The following CTPS2 variants were observed in gnomAD, a reference collection of about 807,000 sequenced individuals.
The protein encoded by CTPS2 is CTP synthase 2, also known as CTP synthase II.
In CTPS2, 19 loss-of-function variants were observed where a neutral mutation model predicts 46.8. The observed-to-expected ratio is 0.41, with a 90% CI of 0.28 to 0.60. CTPS2 has a LOEUF of 0.60. Ranked by LOEUF, CTPS2 falls within the 20% of genes least tolerant of loss-of-function variation. CTPS2 has a pLI of 0.35. For missense variants in CTPS2, 286 were observed against 447.6 expected (o/e 0.64, Z 3.26); for synonymous variants, 151 against 165.2 (o/e 0.91, Z 0.66).
At chrX:16,647,419 C>A (rs1365998703) in intron 13 of CTPS2, among the ~76,000 whole-genome samples, 1 of 108,294 alleles carries the variant, frequency 9.2e-6, no homozygotes, top group Non-Finnish European at 1.9e-5. Flanking sequence ...AAACATGCAC[C>A]ACCACGCCTG....
chrX:16,673,182 G>A (rs1050524270), intron 10 of CTPS2, among the ~76,000 whole-genome samples: 6 of 111,048 alleles, frequency 5.4e-5, no homozygotes, highest in African/African-American at 1.6e-4. Flanking sequence ...CACCGCGCCC[G>A]GCCGAGGCTA....
intron 17 of CTPS2, among the ~76,000 whole-genome samples, chrX:16,598,477 C>T (rs1165322206): frequency 2.7e-5 from 3 of 111,615 alleles, no homozygotes; most frequent in Non-Finnish European, 3.8e-5. Context: ...ATAAATTCCT[C>T]GACACATACA....
At chrX:16,590,905 A>C in intron 17 of CTPS2, 43 bp from the exon 18 acceptor site, 1 of 976,456 alleles carries the variant, frequency 1.0e-6, no homozygotes. Flanking sequence ...ATAAAAAAAA[A>C]ACCTGGACAA....
rs1031680926 is a variant in CTPS2 at position 16,674,443 on chromosome X, G to A, written c.1095-3769C>T. On this transcript the variant is annotated intron_variant, in intron 10 of 18. Coordinates refer to ENST00000359276, the MANE Select transcript of CTPS2 (RefSeq NM_175859.3). ...CTCCCAAAGTGCTGGGATTACAGGCGTAAGCCACCGCATCCAGCTAACGGA... is the reference window on the plus strand; with the variant it reads ...CTCCCAAAGTGCTGGGATTACAGGCATAAGCCACCGCATCCAGCTAACGGA... 1.3e-4 allele frequency among the ~76,000 whole-genome samples: 15 copies of A among 111,493 alleles called. No homozygotes were observed. In the East Asian group the frequency reaches 3.4e-3, roughly 25 times the overall value.
chrX:16,610,098 T>TC (rs1402321824), intron 16 of CTPS2, among the ~76,000 whole-genome samples: 1 of 111,338 alleles, frequency 9.0e-6, no homozygotes, highest in Non-Finnish European at 1.9e-5. Context: ...AGGGTAAGTG[T>TC]CCCCTGGGAT....
In CTPS2 at chrX:16,680,424, G is replaced by A. The variant is rs752013845; in HGVS notation, c.1006-1974C>T. On this transcript the variant is annotated intron_variant, in intron 9 of 18. Coordinates refer to ENST00000359276, the MANE Select transcript of CTPS2 (RefSeq NM_175859.3). Reference sequence around the variant, plus strand: ...AAATAACAAAATTAGGTGTGGTGGCGGGCACCTGTAATCCCAGCTACTCAG... The same window carrying A: ...AAATAACAAAATTAGGTGTGGTGGCAGGCACCTGTAATCCCAGCTACTCAG... 3.5e-4 allele frequency among the ~76,000 whole-genome samples: 38 copies of A among 108,026 alleles called. 1 individual carries two copies. Among genetic ancestry groups the A allele is most frequent in the Non-Finnish European group, 5.9e-4 (31 of 52,197 alleles). 93.8% of individuals were successfully genotyped at this position (108,026 alleles called of 115,157 possible). A position where few individuals can be genotyped will look rare whatever the true frequency, so the allele number is the denominator to read the frequency against.
chrX:16,684,509 C>CAAAAAAAAAAAAAAAA (rs1334791360), intron 8 of CTPS2, among the ~76,000 whole-genome samples: 2 of 70,039 alleles, frequency 2.9e-5, no homozygotes, highest in African/African-American at 5.1e-5. Context: ...ACTCTGTCTC[C>CAAAAAAAAAAAAAAAA]AAAAAAAAAA....
At position 16,683,108 on chromosome X, in the gene CTPS2, T is replaced by C; in HGVS notation, c.991A>G (p.Lys331Glu). Residue 331 changes from lysine to glutamate, a missense_variant, in exon 9 of 19, where the codon AAG becomes GAG. Transcript: ENST00000359276. ...LEHSALAINH[K>E]LNLMYIDSID... Reference sequence around the variant, plus strand: ...CCAGGACTCACCATCAGATTCAACTTGTGGTTGATGGCCAGGGCTGAGTGT... The same window carrying C: ...CCAGGACTCACCATCAGATTCAACTCGTGGTTGATGGCCAGGGCTGAGTGT... The C allele has an allele frequency of 8.3e-7, 1 of 1,211,233 alleles. No homozygotes were observed. Among genetic ancestry groups the C allele is most frequent in the Non-Finnish European group, 1.1e-6 (1 of 895,228 alleles).
chrX:16,705,756 G>A (rs745306697), intron 1 of CTPS2, among the ~76,000 whole-genome samples: 2 of 110,753 alleles, frequency 1.8e-5, no homozygotes, highest in South Asian at 3.8e-4. Flanking sequence ...TCTTTAAAAC[G>A]TGTGCTTCCC....
At chrX:16,610,921 C>T (rs1263441118) in intron 16 of CTPS2, among the ~76,000 whole-genome samples, 1 of 111,839 alleles carries the variant, frequency 8.9e-6, no homozygotes, top group African/African-American at 3.2e-5. Context: ...TTATTCTAAA[C>T]GAATTAACAC....
At chrX:16,663,178 C>T (rs757833653) in intron 13 of CTPS2, among the ~76,000 whole-genome samples, 2 of 111,620 alleles carry the variant, frequency 1.8e-5, no homozygotes, top group South Asian at 3.8e-4. Flanking sequence ...GACAGGGTCT[C>T]GCTCTGTCAC....
At chrX:16,665,168 G>A (rs537562501) in intron 13 of CTPS2, among the ~76,000 whole-genome samples, 6 of 112,119 alleles carry the variant, frequency 5.4e-5, no homozygotes, top group African/African-American at 1.9e-4. Context: ...GGACAAATTA[G>A]GACCCTCATA....
chrX:16,653,348 A>G (rs1288307406), intron 13 of CTPS2, among the ~76,000 whole-genome samples: 1 of 112,048 alleles, frequency 8.9e-6, no homozygotes, highest in African/African-American at 3.2e-5. Flanking sequence ...GTGGTTCTCC[A>G]AGTGTGGTCC....
chrX:16,680,061 G>A (rs895723470), intron 9 of CTPS2, among the ~76,000 whole-genome samples: 6 of 111,192 alleles, frequency 5.4e-5, no homozygotes, highest in Non-Finnish European at 7.5e-5. Context: ...AAACCAGCCC[G>A]GAAGCCGCTG....
intron 7 of CTPS2, among the ~76,000 whole-genome samples, chrX:16,689,914 T>C (rs1028912526): frequency 4.6e-5 from 5 of 109,851 alleles, no homozygotes; most frequent in African/African-American, 1.7e-4. Flanking sequence ...TAGCTGGGCA[T>C]GGTGACATGT....
intron 17 of CTPS2, among the ~76,000 whole-genome samples, chrX:16,593,990 A>C (rs1929094563): frequency 9.0e-6 from 1 of 111,667 alleles, no homozygotes; most frequent in Admixed American, 9.5e-5. Flanking sequence ...TGTGTCATAG[A>C]ATTAGCCAAG....
chrX:16,649,966 G>A (rs1932525252), intron 13 of CTPS2, among the ~76,000 whole-genome samples: 1 of 111,848 alleles, frequency 8.9e-6, no homozygotes, highest in Non-Finnish European at 1.9e-5. Flanking sequence ...TTACGACTCT[G>A]AACCATGAAG....
rs745800022 is a variant in CTPS2, at chrX:16,691,616, A to G, written c.644T>C (p.Val215Ala). 1.7e-6 allele frequency: 2 copies of G among 1,206,180 alleles called. No individual in the cohort carries two copies. The highest frequency in any genetic ancestry group is 2.2e-6 in the Non-Finnish European group (2 of 890,321). The change falls in exon 7 of 19, where the codon GTC becomes GCC. Residue 215 changes from valine to alanine, a missense_variant. Physicochemically the swap from Val to Ala is moderately conservative, Grantham distance 64 (BLOSUM62 0). Coordinates refer to ENST00000359276, the MANE Select transcript of CTPS2 (RefSeq NM_175859.3). Reference sequence around the variant, plus strand: ...CTCAATGGGCGTTGAACTTCGGCAGACAATCTGTCAAAGCCAGTTATGCTT... The same window carrying G: ...CTCAATGGGCGTTGAACTTCGGCAGGCAATCTGTCAAAGCCAGTTATGCTT... Reference protein sequence around the residue: ...RGLGLSPDLIVCRSSTPIEMA... With the variant: ...RGLGLSPDLIACRSSTPIEMA...
intron 16 of CTPS2, among the ~76,000 whole-genome samples, chrX:16,612,808 G>A (rs887396646): frequency 1.8e-5 from 2 of 112,373 alleles, no homozygotes; most frequent in African/African-American, 6.5e-5. Flanking sequence ...CAAAGGACTA[G>A]CTGGATGGCC....
Sources: allele counts gnomAD v4.1 joint callset (sites outside exome capture counted in the v4.1 genomes callset), GRCh38; gene constraint gnomAD v4.1.1; transcripts MANE v1.5; gene names NCBI Gene and HGNC (gene_info 2026-07-23, HGNC 2026-07-21).